The following TRPM2 variants were observed in gnomAD, a reference collection of about 807,000 sequenced individuals.
TRPM2 encodes the protein transient receptor potential cation channel subfamily M member 2.
In TRPM2, 161 loss-of-function variants were observed where a neutral mutation model predicts 174.0. That is an observed-to-expected ratio of 0.93 (90% CI 0.81 to 1.05). The LOEUF is 1.05. Among genes scored for constraint, TRPM2 ranks in the 50% least tolerant of loss-of-function variants. The probability of loss-of-function intolerance (pLI) is 0.00; values close to 1 mark genes in which losing one functional copy is unlikely to be tolerated. For missense variants in TRPM2, 2,057 were observed against 2,038.0 expected (o/e 1.01, Z -0.18); for synonymous variants, 954 against 861.3 (o/e 1.11, Z -1.88).
At chr21:44,377,802 G>T in intron 7 of TRPM2, 29 bp downstream of exon 7, 2 of 1,612,638 alleles carry the variant, frequency 1.2e-6, no homozygotes, top group East Asian at 4.5e-5. Flanking sequence ...GAGGGGGCAT[G>T]TGTGGGCCCG....
chr21:44,354,109 T>C lies in TRPM2; in HGVS notation c.165+244T>C, dbSNP rs2047990668. The stretch of plus-strand genomic sequence containing the variant: ...GGAAATCACCGGGTTAACTCAAAAA[T>C]GTTGCGCTAGAGTCCTGGAAATCTG... On this transcript the variant is annotated intron_variant, in intron 1 of 31. Coordinates refer to ENST00000397928, the MANE Select transcript of TRPM2 (RefSeq NM_003307.4). The surrounding 1 kb of genome is among the most constrained non-coding windows in gnomAD (Gnocchi z 4.3). 6.6e-6 allele frequency among the ~76,000 whole-genome samples: 1 copy of C among 152,158 alleles called. No individual in the cohort carries two copies. The highest frequency in any genetic ancestry group is 2.4e-5 in the African/African-American group (1 of 41,422).
intron 2 of TRPM2, among the ~76,000 whole-genome samples, chr21:44,357,261 A>G (rs11908957): frequency 0.27 from 41,397 of 152,120 alleles, 6,463 homozygotes; most frequent in African/African-American, 0.44. Flanking sequence ...GGCCTCTGCC[A>G]GTCGGCTCTG....
At chr21:44,421,333 T>G (rs977926422) in intron 22 of TRPM2, among the ~76,000 whole-genome samples, 2 of 151,780 alleles carry the variant, frequency 1.3e-5, no homozygotes, top group African/African-American at 4.8e-5. Context: ...AAAAAAAATT[T>G]AGTCCCAAAT....
intron 27 of TRPM2, among the ~76,000 whole-genome samples, chr21:44,428,003 G>A (rs997854426): frequency 1.6e-4 from 24 of 152,286 alleles, no homozygotes; most frequent in African/African-American, 4.6e-4. Context: ...GCAACAAGGC[G>A]TGAGCACCTG....
At chr21:44,409,365 G>T (rs2050011645) in intron 19 of TRPM2, among the ~76,000 whole-genome samples, 1 of 152,124 alleles carries the variant, frequency 6.6e-6, no homozygotes, top group South Asian at 2.1e-4. Flanking sequence ...GAAGCATCTT[G>T]GCATCCTTGT....
intron 16 of TRPM2, among the ~76,000 whole-genome samples, chr21:44,403,384 A>G (rs73907184): frequency 0.039 from 5,897 of 152,258 alleles, 319 homozygotes; most frequent in African/African-American, 0.12. Flanking sequence ...TGCTAAAGAA[A>G]CAGTGTGGCC....
At position 44,400,273 on chromosome 21, in the gene TRPM2, G is replaced by A; in HGVS notation, c.2223G>A (p.Lys741=). The A allele has an allele frequency of 6.2e-7, 1 of 1,612,578 alleles. No individual in the cohort carries two copies. ...SHGGIQAFLT[K]VWWGQLSVDN... ...CCCATCCGCAGGCCTTCCTGACCAA[G>A]GTGTGGTGGGGCCAGCTCTCCGTGG... The change falls in exon 15 of 32, where the codon AAG becomes AAA. Residue 741 remains lysine, a synonymous_variant. Transcript: ENST00000397928.
chr21:44,377,407 C>T (rs552280707), intron 6 of TRPM2, among the ~76,000 whole-genome samples: 18 of 152,138 alleles, frequency 1.2e-4, no homozygotes, highest in Admixed American at 5.2e-4. Flanking sequence ...AGCAAGCGAG[C>T]GGGGAAGTGT....
intron 27 of TRPM2, among the ~76,000 whole-genome samples, chr21:44,433,033 G>A (rs1487571620): frequency 6.6e-6 from 1 of 152,202 alleles, no homozygotes; most frequent in Non-Finnish European, 1.5e-5. Context: ...AGACTCAGGT[G>A]TGGGGTGGGG....
chr21:44,369,338 C>T lies in TRPM2; in HGVS notation c.766C>T (p.Pro256Ser), dbSNP rs377182625. 22 of 1,610,332 alleles carry T rather than the reference C, an allele frequency of 1.4e-5. No individual in the cohort carries two copies. The South Asian group carries it at 1.8e-4, about 13-fold the overall frequency. ...TVHRREGLIH[P>S]TGSFPAEYIL... ...CCACCGCCGCGAGGGCCTGATCCAT[C>T]CCACGGTGAGTGCGGCCCCCTAGGG... Residue 256 changes from proline to serine, a missense_variant, in exon 5 of 32, where the codon CCC becomes TCC. Physicochemically the swap from Pro to Ser is moderately conservative, Grantham distance 74. Transcript: ENST00000397928.
chr21:44,366,496 AC>A lies in TRPM2; in HGVS notation c.424-257del, dbSNP rs1221679785. Among the ~76,000 whole-genome samples, 2 of 152,082 alleles carry A rather than the reference AC, an allele frequency of 1.3e-5. No homozygotes were observed. Among genetic ancestry groups the A allele is most frequent in the Non-Finnish European group, 2.9e-5 (2 of 67,996 alleles). Reference sequence around the variant, plus strand: ...AGGAAAAAGTGGGTGCCGTGGGGGCACGAGGGCTGGGGGAGGTTTGCTGAGG... The same window carrying A: ...AGGAAAAAGTGGGTGCCGTGGGGGCAGAGGGCTGGGGGAGGTTTGCTGAGG... On this transcript the variant is annotated intron_variant, in intron 3 of 31. Transcript: ENST00000397928. This position sits in a 1 kb window ranked among gnomAD's most constrained non-coding sequence, Gnocchi z 6.0.
intron 2 of TRPM2, among the ~76,000 whole-genome samples, chr21:44,355,605 T>G (rs986147688): frequency 1.3e-5 from 2 of 152,176 alleles, no homozygotes; most frequent in Non-Finnish European, 2.9e-5. Context: ...CTGTGTGGCT[T>G]TGTGTTCATC....
chr21:44,382,853 G>A, intron 9 of TRPM2, 33 bp downstream of exon 9: 1 of 1,588,092 alleles, frequency 6.3e-7, no homozygotes, highest in Middle Eastern at 1.9e-4. Flanking sequence ...GCAATGGGGT[G>A]GAGGCCAGAA....
At chr21:44,419,738 T>C (rs1263316073) in intron 22 of TRPM2, among the ~76,000 whole-genome samples, 2 of 151,284 alleles carry the variant, frequency 1.3e-5, no homozygotes, top group Non-Finnish European at 3.0e-5. Context: ...GTGGTGGTGA[T>C]GTTGATGGTG....
intron 12 of TRPM2, among the ~76,000 whole-genome samples, chr21:44,396,463 G>C (rs1226034646): frequency 3.2e-4 from 4 of 12,308 alleles, no homozygotes; most frequent in Non-Finnish European, 4.3e-4. Context: ...GTGTGGAGGG[G>C]TGTGGAGGGG....
intron 19 of TRPM2, among the ~76,000 whole-genome samples, chr21:44,409,298 T>C (rs551912553): frequency 6.2e-4 from 94 of 152,320 alleles, no homozygotes; most frequent in African/African-American, 2.2e-3. Context: ...TCAGTCTTCG[T>C]TGTGGCTCTC....
chr21:44,360,480 T>TC (rs2048179468), intron 2 of TRPM2, among the ~76,000 whole-genome samples: 1 of 152,000 alleles, frequency 6.6e-6, no homozygotes, highest in South Asian at 2.1e-4. Context: ...GCCCCACGGT[T>TC]CCCCCTGTGG....
chr21:44,384,877 T>G (rs2048976692), intron 9 of TRPM2, among the ~76,000 whole-genome samples: 1 of 152,218 alleles, frequency 6.6e-6, no homozygotes, highest in African/African-American at 2.4e-5. Flanking sequence ...TTTAAAGAAC[T>G]AACACCAATC....
chr21:44,355,499 G>A (rs891549824), intron 2 of TRPM2, among the ~76,000 whole-genome samples: 1 of 152,102 alleles, frequency 6.6e-6, no homozygotes, highest in African/African-American at 2.4e-5. Flanking sequence ...TGCCTCTGCC[G>A]TGCAGCCTTC....
Sources: gnomAD v4.1 joint callset for allele counts (sites outside exome capture counted in the v4.1 genomes callset) on GRCh38, gnomAD v4.1.1 for gene constraint, Gnocchi (gnomAD v3.1) non-coding constraint, MANE v1.5 for transcripts, NCBI Gene and HGNC (gene_info 2026-07-23, HGNC 2026-07-21) for gene names.